Variants in ABCB8 observed in about 807,000 individuals in gnomAD.
The protein encoded by ABCB8 is mitochondrial potassium channel ATP-binding subunit.
ABCB8 carries 52 observed loss-of-function variants against 73.0 expected under a neutral mutation model. The ratio of observed to expected loss-of-function variants is 0.71; its 90% CI spans 0.57 to 0.90. ABCB8 has a LOEUF of 0.90. Ranked by LOEUF, ABCB8 falls within the 40% of genes least tolerant of loss-of-function variation. The pLI, the probability that ABCB8 is intolerant of heterozygous loss-of-function variation, is 0.00. For synonymous variants in ABCB8, 428 were observed against 423.5 expected, an observed-to-expected ratio of 1.01 and a Z score of -0.13; for missense variants, 909 against 974.6, an observed-to-expected ratio of 0.93 and a Z score of 0.90.
At chr7:151,029,377 C>G (rs765355062) in intron 1 of ABCB8, among the ~76,000 whole-genome samples, 1 of 150,502 alleles carries the variant, frequency 6.6e-6, no homozygotes, top group African/African-American at 2.5e-5. Context: ...ACAGGTTGGT[C>G]GAGAGAGAGA....
intron 1 of ABCB8, chr7:151,028,886 G>T (rs568315753): frequency 2.0e-6 from 3 of 1,493,780 alleles, no homozygotes; most frequent in Admixed American, 3.7e-5. Context: ...ACTCCCGACC[G>T]GGGGTCCCCT....
Position 151,045,254 on chromosome 7 carries a change from G to C in ABCB8, c.2062G>C (p.Glu688Gln). 6.2e-7 allele frequency: 1 copy of C among 1,603,780 alleles called. No individual in the cohort carries two copies. The highest frequency in any genetic ancestry group is 8.5e-7 in the Non-Finnish European group (1 of 1,174,822). The stretch of plus-strand genomic sequence containing the variant: ...CCTGAAGAAAGGCGGGCTATACGCC[G>C]AGCTCATCCGGAGGCAGGCCCTGGA... The part of the protein sequence containing the change: ...ELLKKGGLYA[E>Q]LIRRQALDAP... Residue 688 changes from glutamate to glutamine, a missense_variant, in exon 16 of 16, where the codon GAG (glutamate) becomes CAG (glutamine). Physicochemically the swap from Glu to Gln is conservative, Grantham distance 29. Coordinates refer to ENST00000358849, the MANE Select transcript of ABCB8 (RefSeq NM_007188.5).
intron 9 of ABCB8, chr7:151,037,592 A>C: frequency 2.2e-6 from 1 of 444,714 alleles, no homozygotes; most frequent in Non-Finnish European, 4.2e-6. Flanking sequence ...CAGATCATCA[A>C]AGGGTGAAGA....
intron 13 of ABCB8, 100 bp downstream of exon 13, chr7:151,041,332 A>C (rs1796460078): frequency 1.5e-5 from 21 of 1,381,250 alleles, no homozygotes; most frequent in Admixed American, 1.4e-4. Flanking sequence ...TCCCACCCTC[A>C]TCCTTGCTGC....
chr7:151,034,213 G>C lies in ABCB8; in HGVS notation c.409-60G>C, dbSNP rs78342215. The C allele has an allele frequency of 1.1e-3, 1,733 of 1,539,418 alleles. 17 individuals are homozygous for C. The African/African-American group carries it at 0.021, about 19-fold the overall frequency. ...AGAGGAAGGGCCAAGATCTGGCTGGGGATGGGGAGGAGTGGCTCCCCCACT... is the reference window on the plus strand; with the variant it reads ...AGAGGAAGGGCCAAGATCTGGCTGGCGATGGGGAGGAGTGGCTCCCCCACT... On this transcript the variant is annotated intron_variant, in intron 2 of 15. Coordinates refer to ENST00000358849, the MANE Select transcript of ABCB8 (RefSeq NM_007188.5).
intron 1 of ABCB8, chr7:151,033,379 T>C (rs1236398410): frequency 4.3e-6 from 6 of 1,382,206 alleles, no homozygotes; most frequent in Non-Finnish European, 5.6e-6. Context: ...AATAAGACTT[T>C]TAAGACTAGA....
chr7:151,033,472 G>A, intron 1 of ABCB8, 133 bp from the exon 2 acceptor site: 1 of 1,446,944 alleles, frequency 6.9e-7, no homozygotes, highest in African/African-American at 1.4e-5. Context: ...ACAGCCCTGA[G>A]AAGGGCAGGG....
intron 1 of ABCB8, 124 bp downstream of exon 1, chr7:151,028,734 CG>C (rs1563280210): frequency 2.6e-6 from 4 of 1,538,026 alleles, no homozygotes; most frequent in Admixed American, 2.0e-5. Context: ...CCAGGCCTAC[CG>C]GGGTGGAATG....
chr7:151,041,013 C>T, intron 12 of ABCB8, 86 bp from the exon 13 acceptor site: 1 of 1,609,192 alleles, frequency 6.2e-7, no homozygotes, highest in Non-Finnish European at 8.5e-7. Flanking sequence ...CGGTGGGGTC[C>T]CTTCCTCCAC....
At chr7:151,030,957 A>C (rs942444868) in intron 1 of ABCB8, among the ~76,000 whole-genome samples, 2 of 152,112 alleles carry the variant, frequency 1.3e-5, no homozygotes, top group Non-Finnish European at 2.9e-5. Context: ...AAAGAAAAGA[A>C]TCAGAATACA....
At chr7:151,037,677 GC>G (rs1796347946) in intron 9 of ABCB8, 7 of 340,702 alleles carry the variant, frequency 2.1e-5, no homozygotes, top group Non-Finnish European at 4.0e-5. Flanking sequence ...TTCCACCGGG[GC>G]CCCCACCCCA....
At chr7:151,029,628 A>C (rs1295628565) in intron 1 of ABCB8, 2 of 150,764 alleles carry the variant, frequency 1.3e-5, no homozygotes, top group Middle Eastern at 3.2e-3. Context: ...TGCTTCAGCC[A>C]CCCAAGTAGC....
intron 9 of ABCB8, chr7:151,037,293 T>C (rs35900662): frequency 0.32 from 225,300 of 702,790 alleles, 36,987 homozygotes; most frequent in South Asian, 0.38. Flanking sequence ...GGCTGTGACA[T>C]TCCATGCATG....
At chr7:151,037,645 T>TC in intron 9 of ABCB8, 1 of 296,998 alleles carries the variant, frequency 3.4e-6, no homozygotes, top group Non-Finnish European at 6.3e-6. Context: ...ACCCCATCCC[T>TC]CCCCCCACGA....
rs191500454 is a variant in ABCB8 at position 151,043,587 on chromosome 7, G to T, written c.1766-384G>T. Among the ~76,000 whole-genome samples, 839 of 146,806 alleles carry T rather than the reference G, an allele frequency of 5.7e-3. 17 individuals carry two copies. Among genetic ancestry groups the T allele is most frequent in the African/African-American group, 0.02 (774 of 38,824 alleles). ...GAGACAGGACTAGGGTGCACAGTGT[G>T]GGGTGGAGGGTCAGAGGCAGGACTA... On this transcript the variant is annotated intron_variant, in intron 14 of 15. Coordinates refer to ENST00000358849, the MANE Select transcript of ABCB8 (RefSeq NM_007188.5).
Position 151,041,225 on chromosome 7 carries a change from T to TGGG in ABCB8, c.1610_1611insGGG (p.Ile537delinsMetGly). ...CTCCGGGGCCAGGTTGTCGGCTTCA[T>TGGG]CAGCCAGGTGCGGGGCCACATGGGC... On this transcript the variant is annotated protein_altering_variant, in exon 13 of 16. Transcript: ENST00000358849. The TGGG allele has an allele frequency of 6.2e-7, 1 of 1,601,374 alleles. No individual in the cohort carries two copies. Among genetic ancestry groups the TGGG allele is most frequent in the Non-Finnish European group, 8.5e-7 (1 of 1,178,596 alleles).
chr7:151,036,288 A>G, intron 8 of ABCB8, 118 bp downstream of exon 8: 1 of 1,078,130 alleles, frequency 9.3e-7, no homozygotes, highest in Non-Finnish European at 1.3e-6. Context: ...GCCTCGGGCC[A>G]GCTGCTAACT....
chr7:151,040,670 T>G (rs1409004409), intron 11 of ABCB8, 36 bp downstream of exon 11: 2 of 1,603,870 alleles, frequency 1.2e-6, no homozygotes, highest in Non-Finnish European at 1.7e-6. Flanking sequence ...GATGGGTCCC[T>G]GGGCCGGGGA....
chr7:151,028,755 G>C (rs760505792), intron 1 of ABCB8, 145 bp downstream of exon 1: 83 of 1,534,258 alleles, frequency 5.4e-5, no homozygotes, highest in Non-Finnish European at 6.7e-5. Context: ...GTCACTCCGC[G>C]GGTGTTGGCC....
Sources: gnomAD v4.1 joint callset for allele counts (sites outside exome capture counted in the v4.1 genomes callset) on GRCh38, gnomAD v4.1.1 for gene constraint, MANE v1.5 for transcripts, NCBI Gene and HGNC (gene_info 2026-07-23, HGNC 2026-07-21) for gene names.